UCMA: variants seen among roughly 807,000 people sequenced by gnomAD.
UCMA encodes upper zone of growth plate and cartilage matrix associated, also known as upper zone of growth plate and cartilage matrix-associated protein.
UCMA carries 21 observed loss-of-function variants against 21.8 expected under a neutral mutation model. The observed-to-expected ratio is 0.97, with a 90% confidence interval of 0.68 to 1.39. UCMA has a LOEUF of 1.39. UCMA is among the 40% of genes most tolerant of loss of function. The pLI, the probability that UCMA is intolerant of heterozygous loss-of-function variation, is 0.00. For synonymous variants in UCMA, 76 were observed against 67.9 expected, an observed-to-expected ratio of 1.12 and a Z score of -0.58; for missense variants, 193 against 178.9, an observed-to-expected ratio of 1.08 and a Z score of -0.45.
In UCMA at chr10:13,222,103, T is replaced by A; in HGVS notation, c.417A>T (p.Ter139CysextTer55). ...CTTCTTGGCCGGCTTCAGGATGGGA[T>A]CAGGTGTGGTGGCGGTTGTAGAGAT... is the stretch of plus-strand genomic sequence containing the variant. ...PSYLYNRHHT[*>C] Residue 139 changes from the stop codon to cysteine (C), a stop_lost, in exon 5 of 5, where the codon TGA becomes TGT. Coordinates refer to ENST00000378681, the MANE Select transcript of UCMA (RefSeq NM_145314.3). 1 of 1,614,100 alleles carries A rather than the reference T, an allele frequency of 6.2e-7. No individual in the cohort carries two copies. Among genetic ancestry groups the A allele is most frequent in the Non-Finnish European group, 8.5e-7 (1 of 1,180,004 alleles).
At chr10:13,234,178 C>A (rs377119825) in intron 1 of UCMA, 23 bp downstream of exon 1, 1 of 1,600,272 alleles carries the variant, frequency 6.2e-7, no homozygotes, top group Non-Finnish European at 8.5e-7. Context: ...TAACACCCTC[C>A]ACCTTGACCC....
chr10:13,225,857 C>T (rs940035182), intron 4 of UCMA, among the ~76,000 whole-genome samples: 7 of 151,928 alleles, frequency 4.6e-5, no homozygotes, highest in African/African-American at 7.3e-5. Flanking sequence ...CCACAGGCAA[C>T]GGAGAGGAAA....
intron 4 of UCMA, among the ~76,000 whole-genome samples, chr10:13,226,471 C>A (rs531257060): frequency 6.6e-6 from 1 of 152,282 alleles, no homozygotes; most frequent in South Asian, 2.1e-4. Flanking sequence ...CGATGCCCAG[C>A]TTATGTTTTT....
chr10:13,233,982 GT>G (rs941568812), intron 1 of UCMA, among the ~76,000 whole-genome samples, 182 bp from the exon 2 acceptor site: 32 of 151,188 alleles, frequency 2.1e-4, no homozygotes, highest in Admixed American at 2.0e-3. Flanking sequence ...GCTGGCTTGG[GT>G]TTTTTTTCTA....
intron 3 of UCMA, among the ~76,000 whole-genome samples, chr10:13,230,569 G>A (rs1016563470): frequency 2.6e-5 from 4 of 152,120 alleles, no homozygotes; most frequent in Non-Finnish European, 5.9e-5. Context: ...ATCTCACAGT[G>A]GGATTCCCCT....
intron 2 of UCMA, 26 bp downstream of exon 2, chr10:13,233,709 G>A (rs1351766466): frequency 1.2e-6 from 2 of 1,614,032 alleles, no homozygotes; most frequent in Admixed American, 3.3e-5. Flanking sequence ...CACCTGCCCT[G>A]CCCCGTGGGT....
chr10:13,229,512 A>G, intron 4 of UCMA, 99 bp downstream of exon 4: 4 of 1,103,990 alleles, frequency 3.6e-6, no homozygotes, highest in South Asian at 3.0e-5. Flanking sequence ...TCTCAAAAAA[A>G]GAAAAAAAAA....
At chr10:13,229,836 G>C in intron 3 of UCMA, 127 bp from the exon 4 acceptor site, 1 of 668,860 alleles carries the variant, frequency 1.5e-6, no homozygotes, top group Non-Finnish European at 2.6e-6. Flanking sequence ...GGGGGATTGT[G>C]ATTGGAGACT....
chr10:13,221,962 C>T lies in UCMA; in HGVS notation c.*141G>A, dbSNP rs527614035. The T allele has an allele frequency of 6.2e-5, 47 of 754,798 alleles. 1 individual carries two copies. In the Middle Eastern group the frequency reaches 7.9e-4, roughly 13 times the overall value. 46.8% of individuals were successfully genotyped at this position (754,798 alleles called of 1,614,324 possible). On this transcript the variant is annotated 3_prime_UTR_variant, in exon 5 of 5. Transcript: ENST00000378681. ...TTCACACACTGGAAGGAAAGGCATG[C>T]GTCTTTTCAAGAGCTGCTGGCCACT...
intron 3 of UCMA, among the ~76,000 whole-genome samples, chr10:13,233,048 G>A (rs1158325067): frequency 6.6e-6 from 1 of 152,134 alleles, no homozygotes; most frequent in African/African-American, 2.4e-5. Context: ...TAGCAGCACA[G>A]CTGTCCCCAG....
chr10:13,233,497 G>GA, intron 3 of UCMA, 41 bp downstream of exon 3: 1 of 1,539,868 alleles, frequency 6.5e-7, no homozygotes, highest in Non-Finnish European at 9.0e-7. Flanking sequence ...GTGAGCAGAG[G>GA]TGGTGATGGA....
Position 13,222,000 on chromosome 10 carries a change from C to A in UCMA, c.*103G>T. 8.1e-7 allele frequency: 1 copy of A among 1,233,336 alleles called. No individual in the cohort carries two copies. 76.4% of individuals were successfully genotyped at this position (1,233,336 alleles called of 1,614,324 possible). A position where few individuals can be genotyped will look rare whatever the true frequency, so the allele number is the denominator to read the frequency against. On this transcript the variant is annotated 3_prime_UTR_variant, in exon 5 of 5. Transcript: ENST00000378681. ...GCTGCTGGCCACTGCAGACCCCAAG[C>A]TGAGACCCTCTGAAGGGCCGGTTTG...
rs1160332648 is a variant in UCMA at position 13,229,683 on chromosome 10, C to T, written c.247G>A (p.Asp83Asn). The change falls in exon 4 of 5, where the codon GAT becomes AAT. Residue 83 changes from aspartate (D) to asparagine (N), a missense_variant. Asp to Asn is a conservative substitution (Grantham distance 23). Coordinates refer to ENST00000378681, the MANE Select transcript of UCMA (RefSeq NM_145314.3). ...NVENRQKLRV[D>N]ELRREYYEEQ... ...TCGTAATATTCTCTCCGCAGCTCAT[C>T]AACCCGAAGCTTCTGCCTGTTTTCC... 1 of 1,614,074 alleles carries T rather than the reference C, an allele frequency of 6.2e-7. No homozygotes were observed. The highest frequency in any genetic ancestry group is 2.2e-5 in the East Asian group (1 of 44,872).
chr10:13,229,728 C>G lies in UCMA; in HGVS notation c.221-19G>C, dbSNP rs749032485. ...TTTTCCACTGTGAAAGGAAAAGAAG[C>G]AAGAGTTGCCCCTCAAGAATGAGGA... On this transcript the variant is annotated intron_variant, in intron 3 of 4. Transcript: ENST00000378681. The G allele has an allele frequency of 1.2e-6, 2 of 1,610,258 alleles. No homozygotes were observed. Among genetic ancestry groups the G allele is most frequent in the South Asian group, 2.2e-5 (2 of 90,962 alleles).
intron 4 of UCMA, among the ~76,000 whole-genome samples, chr10:13,223,515 A>G (rs1834785773): frequency 6.6e-6 from 1 of 152,168 alleles, no homozygotes; most frequent in Non-Finnish European, 1.5e-5. Context: ...AAAAAGATGA[A>G]TAATGTATGA....
At chr10:13,223,395 TGTG>T (rs1191129748) in intron 4 of UCMA, among the ~76,000 whole-genome samples, 1 of 152,040 alleles carries the variant, frequency 6.6e-6, no homozygotes, top group Non-Finnish European at 1.5e-5. Context: ...ATAAACAAAA[TGTG>T]GTGTGTATGT....
chr10:13,226,462 G>A (rs77985023), intron 4 of UCMA, among the ~76,000 whole-genome samples: 3 of 151,990 alleles, frequency 2.0e-5, no homozygotes, highest in Admixed American at 6.6e-5. Context: ...CACATGCCAC[G>A]ATGCCCAGCT....
chr10:13,227,342 C>A (rs1480934840), intron 4 of UCMA, among the ~76,000 whole-genome samples: 3 of 152,200 alleles, frequency 2.0e-5, no homozygotes, highest in African/African-American at 7.2e-5. Context: ...TGGGGCCTCA[C>A]GTCCAAGTTC....
chr10:13,229,563 C>T, intron 4 of UCMA, 48 bp downstream of exon 4: 1 of 1,511,580 alleles, frequency 6.6e-7, no homozygotes, highest in South Asian at 1.2e-5. Flanking sequence ...CATGTGATTT[C>T]TCCCCAACGC....
Sources: allele counts gnomAD v4.1 joint callset (sites outside exome capture counted in the v4.1 genomes callset), GRCh38; gene constraint gnomAD v4.1.1; transcripts MANE v1.5; gene names NCBI Gene and HGNC (gene_info 2026-07-23, HGNC 2026-07-21).